The following PACRG variants were observed in gnomAD, a reference collection of about 807,000 sequenced individuals.
The protein encoded by PACRG is parkin coregulated gene protein.
In PACRG, 29 loss-of-function variants were observed where a neutral mutation model predicts 29.7. The ratio of observed to expected loss-of-function variants is 0.98; its 90% CI spans 0.73 to 1.33. PACRG has a LOEUF of 1.33. Ranked by LOEUF, PACRG falls within the 40% of genes most tolerant of loss-of-function variation. The pLI is 0.00. For missense variants in PACRG, 279 were observed against 316.2 expected (o/e 0.88, Z 0.89); for synonymous variants, 116 against 118.7 (o/e 0.98, Z 0.15).
intron 2 of PACRG, among the ~76,000 whole-genome samples, chr6:163,038,245 A>G (rs1260339398): frequency 2.6e-5 from 4 of 152,214 alleles, no homozygotes; most frequent in Non-Finnish European, 4.4e-5. Flanking sequence ...CATAAAGAAT[A>G]AAAAGATGAA....
intron 4 of PACRG, among the ~76,000 whole-genome samples, chr6:163,234,564 C>T (rs1004349322): frequency 2.6e-5 from 4 of 152,128 alleles, no homozygotes; most frequent in South Asian, 2.1e-4. Context: ...TATCCAGCCT[C>T]GGCATTCCTT....
chr6:162,766,976 G>A (rs906375813), intron 1 of PACRG, among the ~76,000 whole-genome samples: 1 of 151,862 alleles, frequency 6.6e-6, no homozygotes, highest in African/African-American at 2.4e-5. Flanking sequence ...TGGCCCGTGT[G>A]TTATTTTGAA....
chr6:162,925,766 T>C (rs1797389175), intron 2 of PACRG, among the ~76,000 whole-genome samples: 1 of 152,118 alleles, frequency 6.6e-6, no homozygotes, highest in Admixed American at 6.6e-5. Context: ...GGATGCCTTC[T>C]CTCACCACTC....
At chr6:163,297,077 TTTG>T (rs1347553894) in intron 4 of PACRG, among the ~76,000 whole-genome samples, 1 of 152,248 alleles carries the variant, frequency 6.6e-6, no homozygotes, top group African/African-American at 2.4e-5. Flanking sequence ...TTTTGTAATG[TTTG>T]TTTTTAACTT....
At chr6:163,190,997 C>T (rs1422519553) in intron 4 of PACRG, 2 of 454,996 alleles carry the variant, frequency 4.4e-6, no homozygotes, top group Admixed American at 2.4e-5. Context: ...AATCAGAAAT[C>T]CCTTATTTAG....
intron 2 of PACRG, among the ~76,000 whole-genome samples, chr6:163,020,969 G>T (rs535189518): frequency 3.3e-5 from 5 of 152,248 alleles, no homozygotes; most frequent in Non-Finnish European, 5.9e-5. Flanking sequence ...TCCCTCCATG[G>T]CTTCATGACA....
chr6:163,202,154 A>T lies in PACRG; in HGVS notation c.614-112673A>T, dbSNP rs555854180. ...CCTGTCCCGGCCGGCTGCTGGGAGA[A>T]GGTGGGGGCAGAGGGGAAAATGGAG... On this transcript the variant is annotated intron_variant, in intron 4 of 4. Transcript: ENST00000366888. 1.9e-4 allele frequency among the ~76,000 whole-genome samples: 29 copies of T among 152,232 alleles called. No homozygotes were observed. In the East Asian group the frequency reaches 5.2e-3, roughly 27 times the overall value.
At chr6:162,794,311 T>C (rs1264971967) in intron 1 of PACRG, among the ~76,000 whole-genome samples, 1 of 152,192 alleles carries the variant, frequency 6.6e-6, no homozygotes, top group Admixed American at 6.5e-5. Context: ...TGTTTCTTTT[T>C]CTTGTTGATC....
At chr6:163,300,215 T>A (rs1002462691) in intron 4 of PACRG, among the ~76,000 whole-genome samples, 5 of 152,216 alleles carry the variant, frequency 3.3e-5, no homozygotes, top group African/African-American at 1.2e-4. Flanking sequence ...TGAGCCTGCT[T>A]ACCAGAGCAT....
At chr6:163,062,793 A>G (rs1811205129) in intron 3 of PACRG, among the ~76,000 whole-genome samples, 2 of 152,196 alleles carry the variant, frequency 1.3e-5, no homozygotes, top group African/African-American at 4.8e-5. Context: ...CTTTTAATCT[A>G]CAATAGGTAA....
intron 2 of PACRG, among the ~76,000 whole-genome samples, chr6:162,957,803 G>A (rs7769875): frequency 0.52 from 78,975 of 151,850 alleles, 21,545 homozygotes; most frequent in Middle Eastern, 0.69. Context: ...CTCCATAAAG[G>A]ACATATATCT....
chr6:163,233,744 AAC>A lies in PACRG; in HGVS notation c.614-81079_614-81078del, dbSNP rs146618722. On this transcript the variant is annotated intron_variant, in intron 4 of 4. Transcript: ENST00000366888. ...AGACATATAAAGGACAGGTCTTAAT[AAC>A]ACAGAATTGTGAGTGAGGAAGTAGG... is the stretch of plus-strand genomic sequence containing the variant. Among the ~76,000 whole-genome samples, 959 of 152,312 alleles carry A rather than the reference AAC, an allele frequency of 6.3e-3. 11 individuals carry two copies. The highest frequency in any genetic ancestry group is 0.021 in the African/African-American group (890 of 41,556).
intron 4 of PACRG, among the ~76,000 whole-genome samples, chr6:163,206,962 C>T (rs780988131): frequency 8.6e-5 from 13 of 152,018 alleles, no homozygotes; most frequent in Non-Finnish European, 1.3e-4. Flanking sequence ...TTTTCTTTTA[C>T]CGCTGTTTAT....
intron 4 of PACRG, among the ~76,000 whole-genome samples, chr6:163,213,129 G>T (rs570406699): frequency 6.6e-6 from 1 of 152,226 alleles, no homozygotes; most frequent in South Asian, 2.1e-4. Context: ...CTATGAAATG[G>T]ACAAATTAAA....
At chr6:163,144,476 A>G (rs1777715074) in intron 4 of PACRG, among the ~76,000 whole-genome samples, 1 of 152,146 alleles carries the variant, frequency 6.6e-6, no homozygotes, top group Non-Finnish European at 1.5e-5. Flanking sequence ...GATGATGTTA[A>G]AGGTAATACA....
intron 4 of PACRG, among the ~76,000 whole-genome samples, chr6:163,220,865 A>T (rs1242562830): frequency 1.3e-5 from 2 of 152,156 alleles, no homozygotes; most frequent in Non-Finnish European, 2.9e-5. Context: ...TCCTCACAAC[A>T]TCCCTATGAG....
intron 2 of PACRG, among the ~76,000 whole-genome samples, chr6:163,006,872 G>T (rs1030063205): frequency 6.7e-6 from 1 of 149,650 alleles, no homozygotes; most frequent in Non-Finnish European, 1.5e-5. Context: ...TATAATGTTG[G>T]CTTCTCTTTT....
rs141079835 is a variant in PACRG at position 162,989,256 on chromosome 6, G to A, written c.292-72894G>A. On this transcript the variant is annotated intron_variant, in intron 2 of 4. Coordinates refer to ENST00000366888, the MANE Select transcript of PACRG (RefSeq NM_001080379.2). ...CTAGGTCACAACAGCAACTGCAGGA[G>A]GAGAAACAGGGTCAGAAGAGGAAAC... Among the ~76,000 whole-genome samples, 13 of 152,252 alleles carry A rather than the reference G, an allele frequency of 8.5e-5. No homozygotes were observed. In the East Asian group the frequency reaches 1.9e-3, roughly 23 times the overall value.
At chr6:163,208,826 A>C (rs570180752) in intron 4 of PACRG, among the ~76,000 whole-genome samples, 41 of 152,368 alleles carry the variant, frequency 2.7e-4, no homozygotes, top group African/African-American at 9.9e-4. Context: ...CAAGAGAAAA[A>C]GAAAACAAAG....
Sources: gnomAD v4.1 joint callset for allele counts (sites outside exome capture counted in the v4.1 genomes callset) on GRCh38, gnomAD v4.1.1 for gene constraint, MANE v1.5 for transcripts, NCBI Gene and HGNC (gene_info 2026-07-23, HGNC 2026-07-21) for gene names.